DENND3: variants seen among roughly 807,000 people sequenced by gnomAD.
DENND3 encodes DENN domain-containing protein 3.
In DENND3, 88 loss-of-function variants were observed where a neutral mutation model predicts 135.1. The ratio of observed to expected loss-of-function variants is 0.65; its 90% CI spans 0.55 to 0.78. DENND3 has a LOEUF of 0.78. DENND3 is among the 30% of genes least tolerant of loss of function. DENND3 has a pLI of 0.00. For missense variants in DENND3, 1,392 were observed against 1,688.4 expected, an observed-to-expected ratio of 0.82 and a Z score of 3.08; for synonymous variants, 693 against 712.3, an observed-to-expected ratio of 0.97 and a Z score of 0.43.
chr8:141,158,059 C>A, intron 8 of DENND3: 1 of 1,202,060 alleles, frequency 8.3e-7, no homozygotes, highest in Non-Finnish European at 1.1e-6. Context: ...CGCGCCCAGT[C>A]GGAGAACTAC....
At chr8:141,145,828 T>C (rs1245885176) in intron 5 of DENND3, among the ~76,000 whole-genome samples, 2 of 90,688 alleles carry the variant, frequency 2.2e-5, no homozygotes, top group Middle Eastern at 5.1e-3. Context: ...TATATATATA[T>C]ATATATATAT....
At chr8:141,135,297 A>G (rs1020682321) in intron 1 of DENND3, among the ~76,000 whole-genome samples, 4 of 151,934 alleles carry the variant, frequency 2.6e-5, no homozygotes, top group African/African-American at 9.7e-5. Flanking sequence ...GACCACAGGC[A>G]TGTGCCACTA....
intron 22 of DENND3, chr8:141,193,768 G>A (rs984777244): frequency 1.8e-6 from 1 of 547,834 alleles, no homozygotes; most frequent in African/African-American, 1.9e-5. Flanking sequence ...CTGTTGTTTG[G>A]TGAGAACACT....
At chr8:141,145,590 C>T (rs901537932) in intron 5 of DENND3, among the ~76,000 whole-genome samples, 4 of 151,766 alleles carry the variant, frequency 2.6e-5, no homozygotes, top group African/African-American at 9.7e-5. Context: ...TATACTCTTC[C>T]TAAAGGTGAA....
Position 141,128,890 on chromosome 8 carries a change from C to T in DENND3, c.102+81C>T. On this transcript the variant is annotated intron_variant, in intron 1 of 22. Transcript: ENST00000519811. This position sits in a 1 kb window ranked among gnomAD's most constrained non-coding sequence, Gnocchi z 4.5. Reference sequence around the variant, plus strand: ...CAGTCGGAGAGCGGGCGCCCGGGTGCCCTGTGGGTTGGCGCGGACTTTCCG... The same window carrying T: ...CAGTCGGAGAGCGGGCGCCCGGGTGTCCTGTGGGTTGGCGCGGACTTTCCG... 9.1e-7 allele frequency: 1 copy of T among 1,093,408 alleles called. No homozygotes were observed. The highest frequency in any genetic ancestry group is 1.2e-6 in the Non-Finnish European group (1 of 828,630). The allele number at this position is 1,093,408 out of a possible 1,614,324, so 67.7% of individuals were successfully genotyped here.
intron 18 of DENND3, among the ~76,000 whole-genome samples, chr8:141,186,850 T>C (rs1299802994): frequency 6.6e-6 from 1 of 152,090 alleles, no homozygotes; most frequent in Non-Finnish European, 1.5e-5. Context: ...TCTTGGGGAT[T>C]TTCCCTGTTT....
intron 1 of DENND3, among the ~76,000 whole-genome samples, chr8:141,135,935 G>A (rs1016944766): frequency 2.6e-5 from 4 of 152,238 alleles, no homozygotes; most frequent in African/African-American, 7.2e-5. Context: ...CCAGATCAGT[G>A]TGGTAGAAAG....
At chr8:141,179,638 G>A (rs1457997652) in intron 16 of DENND3, among the ~76,000 whole-genome samples, 1 of 152,256 alleles carries the variant, frequency 6.6e-6, no homozygotes, top group East Asian at 1.9e-4. Flanking sequence ...TCCGAGGCAG[G>A]AGCTGAAGAG....
chr8:141,164,359 C>T (rs899087257), intron 10 of DENND3, among the ~76,000 whole-genome samples: 5 of 152,236 alleles, frequency 3.3e-5, no homozygotes, highest in Non-Finnish European at 5.9e-5. Flanking sequence ...CCCTGGCAGG[C>T]GATTGAAGCT....
At position 141,194,580 on chromosome 8, in the gene DENND3, A is replaced by G. The variant is rs1825156964; in HGVS notation, c.*347A>G. 2 of 310,044 alleles carry G rather than the reference A, an allele frequency of 6.5e-6. No homozygotes were observed. The highest frequency in any genetic ancestry group is 4.3e-5 in the Admixed American group (1 of 23,160). 19.2% of individuals were successfully genotyped at this position (310,044 alleles called of 1,614,324 possible). A position where few individuals can be genotyped will look rare whatever the true frequency, so the allele number is the denominator to read the frequency against. Reference sequence around the variant, plus strand: ...GGCACTGGAGCCAGCAGCTTGGCCGAGTCACAGGTGACCCGTGGCCCTCAC... The same window carrying G: ...GGCACTGGAGCCAGCAGCTTGGCCGGGTCACAGGTGACCCGTGGCCCTCAC... On this transcript the variant is annotated 3_prime_UTR_variant, in exon 23 of 23. Transcript: ENST00000519811.
intron 13 of DENND3, among the ~76,000 whole-genome samples, chr8:141,172,929 AAG>A (rs1821814973): frequency 6.9e-6 from 1 of 144,466 alleles, no homozygotes. Flanking sequence ...AAAAAAAAAA[AAG>A]AAAGAAATAC....
At chr8:141,159,961 G>A (rs1185355002) in intron 8 of DENND3, among the ~76,000 whole-genome samples, 2 of 152,230 alleles carry the variant, frequency 1.3e-5, no homozygotes, top group Non-Finnish European at 2.9e-5. Context: ...GGGAAGCCAT[G>A]GGGGAGCTGT....
Position 141,128,724 on chromosome 8 carries a change from C to A in DENND3, c.17C>A (p.Ser6Ter). ...CGGGCAGCCATGGCGGAGGCCGCGTCGCCGCACTTGTCGCTGCCCTCGGGG... is the reference window on the plus strand; with the variant it reads ...CGGGCAGCCATGGCGGAGGCCGCGTAGCCGCACTTGTCGCTGCCCTCGGGG... MAEAA[S>*]PHLSLPSGLL... Residue 6 changes from serine (S) to a stop codon, truncating the protein, a stop_gained, in exon 1 of 23, where the codon TCG (serine) becomes TAG (stop). Coordinates refer to ENST00000519811, the MANE Select transcript of DENND3 (RefSeq NM_001352890.3). LOFTEE classifies it high-confidence loss of function. The surrounding 1 kb of genome is among the most constrained non-coding windows in gnomAD (Gnocchi z 4.5). 7.0e-7 allele frequency: 1 copy of A among 1,431,642 alleles called. No individual in the cohort carries two copies. Among genetic ancestry groups the A allele is most frequent in the Non-Finnish European group, 9.1e-7 (1 of 1,094,236 alleles). 88.7% of individuals were successfully genotyped at this position (1,431,642 alleles called of 1,614,324 possible). A position where few individuals can be genotyped will look rare whatever the true frequency, so the allele number is the denominator to read the frequency against.
At position 141,158,408 on chromosome 8, in the gene DENND3, ATCT is replaced by A. The variant is rs1819706893; in HGVS notation, c.1197-2219_1197-2217del. 5 of 1,128,366 alleles carry A rather than the reference ATCT, an allele frequency of 4.4e-6. No individual in the cohort carries two copies. In the South Asian group the frequency reaches 9.0e-5, roughly 20 times the overall value. 69.9% of individuals were successfully genotyped at this position (1,128,366 alleles called of 1,614,324 possible). ...AAGGTAGGATTCTGCCTGCATCCTC[ATCT>A]TCTTGTTAGAATTCCGGAATAGAAA... On this transcript the variant is annotated intron_variant, in intron 8 of 22. Coordinates refer to ENST00000519811, the MANE Select transcript of DENND3 (RefSeq NM_001352890.3).
Position 141,194,262 on chromosome 8 carries a change from T to G in DENND3, c.*29T>G, listed in dbSNP as rs759415046. The G allele has an allele frequency of 3.1e-6, 5 of 1,602,942 alleles. No homozygotes were observed. Among genetic ancestry groups the G allele is most frequent in the Non-Finnish European group, 4.3e-6 (5 of 1,176,230 alleles). ...TGGCTGAGTCTGCCAAGTGGAACTG[T>G]GCCCTATGTGTGGGGACTGGCTGCC... is the stretch of plus-strand genomic sequence containing the variant. On this transcript the variant is annotated 3_prime_UTR_variant, in exon 23 of 23. Coordinates refer to ENST00000519811, the MANE Select transcript of DENND3 (RefSeq NM_001352890.3).
chr8:141,145,803 T>TTATATATATATA (rs60546894), intron 5 of DENND3, among the ~76,000 whole-genome samples: 1 of 87,116 alleles, frequency 1.1e-5, no homozygotes. Flanking sequence ...ATATTGAATA[T>TTATATATATATA]TATATATATA....
At chr8:141,133,873 G>A (rs1236859089) in intron 1 of DENND3, among the ~76,000 whole-genome samples, 1 of 152,228 alleles carries the variant, frequency 6.6e-6, no homozygotes, top group Non-Finnish European at 1.5e-5. Flanking sequence ...AGGTGCAGTG[G>A]GGGTGGCAGG....
At chr8:141,178,308 T>A (rs1822659246) in intron 16 of DENND3, 112 bp downstream of exon 16, 38 of 1,439,930 alleles carry the variant, frequency 2.6e-5, no homozygotes, top group Non-Finnish European at 3.5e-5. Flanking sequence ...CTCCCCCAGT[T>A]TTTTCTTTTA....
Position 141,185,289 on chromosome 8 carries a change from G to A in DENND3, c.3084+11G>A, listed in dbSNP as rs767503658. On this transcript the variant is annotated intron_variant, in intron 18 of 22. Transcript: ENST00000519811. ...GGCACTGCAAAAGTGGTGAGTACAC[G>A]AAGCGTCAGGAAAGAAGCCTCTGAA... 6.2e-6 allele frequency: 10 copies of A among 1,613,850 alleles called. No individual in the cohort carries two copies. Among genetic ancestry groups the A allele is most frequent in the Admixed American group, 1.7e-5 (1 of 59,968 alleles).
Sources: allele counts gnomAD v4.1 joint callset (sites outside exome capture counted in the v4.1 genomes callset), GRCh38; gene constraint gnomAD v4.1.1; non-coding constraint Gnocchi (gnomAD v3.1); transcripts MANE v1.5; gene names NCBI Gene and HGNC (gene_info 2026-07-23, HGNC 2026-07-21).